PHACTR1: variants seen among roughly 807,000 people sequenced by gnomAD.
PHACTR1 encodes the protein RPEL repeat containing 1.
A neutral mutation model predicts 69.2 loss-of-function variants in PHACTR1; 16 were observed. The observed-to-expected ratio is 0.23, with a 90% CI of 0.16 to 0.35. The LOEUF (loss-of-function observed/expected upper bound fraction) is 0.35. PHACTR1 is among the 10% of genes least tolerant of loss of function. PHACTR1 has a pLI of 1.00. For synonymous variants in PHACTR1, 312 were observed against 284.5 expected (o/e 1.10, Z -0.97); for missense variants, 510 against 734.7 (o/e 0.69, Z 3.54).
intron 4 of PHACTR1, among the ~76,000 whole-genome samples, chr6:12,818,476 G>T (rs2127707424): frequency 6.6e-6 from 1 of 152,248 alleles, no homozygotes; most frequent in African/African-American, 2.4e-5. Context: ...TTCAAGTCTT[G>T]GTTTGCTAAT....
chr6:12,717,290 A>G (rs1247072315), intron 1 of PHACTR1, among the ~76,000 whole-genome samples: 5 of 152,156 alleles, frequency 3.3e-5, no homozygotes, highest in African/African-American at 1.2e-4. Flanking sequence ...ATCATTTCAT[A>G]TTCTATTCTT....
chr6:12,865,334 G>T (rs1321236270), intron 4 of PHACTR1, among the ~76,000 whole-genome samples: 5 of 152,190 alleles, frequency 3.3e-5, no homozygotes, highest in African/African-American at 4.8e-5. Context: ...TATCATGGGA[G>T]CAGAAAAATA....
intron 3 of PHACTR1, among the ~76,000 whole-genome samples, chr6:12,732,100 G>A (rs114084765): frequency 0.022 from 3,320 of 151,378 alleles, 122 homozygotes; most frequent in African/African-American, 0.077. Flanking sequence ...AGGGAAACCT[G>A]CCCGAGTCTC....
intron 5 of PHACTR1, among the ~76,000 whole-genome samples, chr6:13,142,064 C>T (rs1161131921): frequency 1.3e-5 from 2 of 151,990 alleles, no homozygotes; most frequent in Admixed American, 6.6e-5. Flanking sequence ...GTGTGCAGAA[C>T]GGGAAAGCAC....
At chr6:13,124,496 C>T (rs964759274) in intron 5 of PHACTR1, among the ~76,000 whole-genome samples, 1 of 152,138 alleles carries the variant, frequency 6.6e-6, no homozygotes, top group Non-Finnish European at 1.5e-5. Flanking sequence ...TTCCTTCATA[C>T]CCCCCTCACC....
chr6:12,985,539 A>ATAT lies in PHACTR1; in HGVS notation c.251-67826_251-67825insTAT, dbSNP rs1298803313. 7.9e-3 allele frequency among the ~76,000 whole-genome samples: 1,047 copies of ATAT among 132,910 alleles called. 9 individuals are homozygous for ATAT. Among genetic ancestry groups the ATAT allele is most frequent in the Middle Eastern group, 0.012 (3 of 252 alleles). 87.2% of individuals were successfully genotyped at this position (132,910 alleles called of 152,430 possible). A position where few individuals can be genotyped will look rare whatever the true frequency, so the allele number is the denominator to read the frequency against. ...AAAGTACTACAAATTAAAAAAAAAA[A>ATAT]AAATATATATATATATATATATACA... is the stretch of plus-strand genomic sequence containing the variant. On this transcript the variant is annotated intron_variant, in intron 4 of 14. Transcript: ENST00000332995.
At chr6:13,117,796 C>T (rs1442929481) in intron 5 of PHACTR1, among the ~76,000 whole-genome samples, 2 of 152,140 alleles carry the variant, frequency 1.3e-5, no homozygotes, top group Admixed American at 1.3e-4. Context: ...ATCCATCATC[C>T]CCTGGCGATT....
chr6:12,854,081 G>A (rs1190688596), intron 4 of PHACTR1, among the ~76,000 whole-genome samples: 1 of 152,156 alleles, frequency 6.6e-6, no homozygotes, highest in Non-Finnish European at 1.5e-5. Context: ...TGTATATAAG[G>A]CTATAGTGGG....
At chr6:12,869,719 G>A (rs1781833986) in intron 4 of PHACTR1, among the ~76,000 whole-genome samples, 1 of 152,158 alleles carries the variant, frequency 6.6e-6, no homozygotes, top group Admixed American at 6.6e-5. Flanking sequence ...ACCTACATGA[G>A]ATTCTTTTGG....
At chr6:12,723,269 C>T (rs556059592) in intron 3 of PHACTR1, among the ~76,000 whole-genome samples, 1 of 152,158 alleles carries the variant, frequency 6.6e-6, no homozygotes, top group South Asian at 2.1e-4. Flanking sequence ...TCGTCAGTCA[C>T]TTGCTACCCA....
At chr6:12,792,842 T>A (rs1390630960) in intron 4 of PHACTR1, among the ~76,000 whole-genome samples, 1 of 119,944 alleles carries the variant, frequency 8.3e-6, no homozygotes, top group Non-Finnish European at 1.8e-5. Flanking sequence ...AAGAGAAGCT[T>A]TTTTTTTTTT....
intron 4 of PHACTR1, among the ~76,000 whole-genome samples, chr6:13,032,962 G>T (rs746370962): frequency 6.6e-6 from 1 of 152,026 alleles, no homozygotes; most frequent in South Asian, 2.1e-4. Context: ...AAAATTTCCC[G>T]TTAGAGGAAG....
intron 5 of PHACTR1, among the ~76,000 whole-genome samples, chr6:13,077,385 C>T (rs1201838275): frequency 6.6e-6 from 1 of 152,118 alleles, no homozygotes; most frequent in African/African-American, 2.4e-5. Flanking sequence ...CACACCTAAC[C>T]GTGGCACCAC....
intron 4 of PHACTR1, among the ~76,000 whole-genome samples, chr6:12,843,735 T>G (rs1021257445): frequency 5.3e-5 from 8 of 152,308 alleles, no homozygotes; most frequent in African/African-American, 1.9e-4. Context: ...TAAACTGACA[T>G]TAAATGAAGG....
intron 4 of PHACTR1, among the ~76,000 whole-genome samples, chr6:13,013,995 G>C (rs78088732): frequency 0.024 from 3,622 of 152,164 alleles, 159 homozygotes; most frequent in African/African-American, 0.082. Context: ...CAAAAAGAAA[G>C]CTTTTTATTT....
At chr6:12,832,828 C>T (rs537243414) in intron 4 of PHACTR1, among the ~76,000 whole-genome samples, 3 of 152,108 alleles carry the variant, frequency 2.0e-5, no homozygotes, top group Non-Finnish European at 4.4e-5. Flanking sequence ...CAGTAATAGA[C>T]ACGGGGTGTG....
intron 12 of PHACTR1, among the ~76,000 whole-genome samples, chr6:13,282,993 C>T (rs1780630494): frequency 6.6e-6 from 1 of 152,106 alleles, no homozygotes; most frequent in South Asian, 2.1e-4. Context: ...CTGAAATATA[C>T]ACAGATAAAA....
At chr6:12,775,448 T>C (rs1429387160) in intron 4 of PHACTR1, among the ~76,000 whole-genome samples, 2 of 152,212 alleles carry the variant, frequency 1.3e-5, no homozygotes, top group Non-Finnish European at 2.9e-5. Flanking sequence ...CTGAACTCAT[T>C]AATCGTGTGG....
chr6:12,976,481 A>C (rs1027517926), intron 4 of PHACTR1, among the ~76,000 whole-genome samples: 20 of 152,180 alleles, frequency 1.3e-4, no homozygotes, highest in African/African-American at 4.8e-4. Context: ...CTTATGGACT[A>C]AAGTGTTCTC....
Sources: gnomAD v4.1 joint callset for allele counts (sites outside exome capture counted in the v4.1 genomes callset) on GRCh38, gnomAD v4.1.1 for gene constraint, MANE v1.5 for transcripts, NCBI Gene and HGNC (gene_info 2026-07-23, HGNC 2026-07-21) for gene names.